MYH11: variants seen among roughly 807,000 people sequenced by gnomAD.
MYH11 encodes myosin heavy chain 11.
A neutral mutation model predicts 246.6 loss-of-function variants in MYH11; 80 were observed. That is an observed-to-expected ratio of 0.32 (90% CI 0.27 to 0.39). The LOEUF is 0.39. MYH11 is among the 10% of genes least tolerant of loss of function. The pLI, the probability that MYH11 is intolerant of heterozygous loss-of-function variation, is 1.00. For missense variants in MYH11, 2,158 were observed against 2,546.8 expected (o/e 0.85, Z 3.29); for synonymous variants, 1,071 against 1,015.5 (o/e 1.05, Z -1.04).
rs949749494 is a variant in MYH11, at chr16:15,740,258, T to C, written c.2860-70A>G. ...TTTACTCTCGTGGTGATCTGGGGAC[T>C]AATGAATACAGGGGCTAGGCCTGAA... On this transcript the variant is annotated intron_variant, in intron 22 of 40. Coordinates refer to ENST00000300036, the MANE Select transcript of MYH11 (RefSeq NM_002474.3). 1.4e-5 allele frequency: 23 copies of C among 1,607,930 alleles called. No individual in the cohort carries two copies. The Admixed American group carries it at 3.5e-4, about 24-fold the overall frequency.
chr16:15,708,018 T>A (rs138033033), intron 40 of MYH11, among the ~76,000 whole-genome samples: 200 of 151,000 alleles, frequency 1.3e-3, no homozygotes, highest in Non-Finnish European at 2.3e-3. Context: ...TCATGCTTTC[T>A]TGGGAAGGGC....
At chr16:15,832,854 C>T (rs1237920105) in intron 2 of MYH11, among the ~76,000 whole-genome samples, 3 of 151,416 alleles carry the variant, frequency 2.0e-5, no homozygotes, top group Non-Finnish European at 2.9e-5. Flanking sequence ...GTCACCCTGG[C>T]CCTGGACTCA....
intron 9 of MYH11, among the ~76,000 whole-genome samples, chr16:15,768,675 T>G (rs887216325): frequency 4.6e-5 from 7 of 152,232 alleles, no homozygotes; most frequent in Admixed American, 3.3e-4. Flanking sequence ...AATAGAAAAC[T>G]TTCTCTATCT....
At chr16:15,837,035 T>C (rs2043916582) in intron 2 of MYH11, among the ~76,000 whole-genome samples, 1 of 152,222 alleles carries the variant, frequency 6.6e-6, no homozygotes, top group South Asian at 2.1e-4. Context: ...TAATGTTTCT[T>C]TTAATTAATT....
intron 1 of MYH11, among the ~76,000 whole-genome samples, chr16:15,849,818 C>T (rs937974715): frequency 2.0e-5 from 3 of 152,130 alleles, no homozygotes; most frequent in Non-Finnish European, 4.4e-5. Context: ...TGTCAAGTAA[C>T]GAGTCTCAGC....
intron 3 of MYH11, among the ~76,000 whole-genome samples, chr16:15,822,659 G>A (rs917275005): frequency 4.6e-5 from 7 of 152,204 alleles, no homozygotes; most frequent in Non-Finnish European, 1.0e-4. Flanking sequence ...AGGTTGCAGG[G>A]AGCCGAGATG....
chr16:15,783,265 C>T (rs1464507499), intron 5 of MYH11: 1 of 152,422 alleles, frequency 6.6e-6, no homozygotes, highest in African/African-American at 2.4e-5. Context: ...CAGTTGGGCC[C>T]CGAGGCCTCC....
At chr16:15,776,571 T>C (rs931179330) in intron 7 of MYH11, among the ~76,000 whole-genome samples, 1 of 152,194 alleles carries the variant, frequency 6.6e-6, no homozygotes, top group Non-Finnish European at 1.5e-5. Context: ...AAATGATTGA[T>C]ATAAATTGTC....
At chr16:15,710,803 G>C (rs372263672) in intron 40 of MYH11, among the ~76,000 whole-genome samples, 1 of 151,914 alleles carries the variant, frequency 6.6e-6, no homozygotes, top group Non-Finnish European at 1.5e-5. Context: ...TCAGCCTCAC[G>C]AGTAGCTGGG....
intron 40 of MYH11, among the ~76,000 whole-genome samples, chr16:15,709,049 C>T (rs2039630668): frequency 6.6e-6 from 1 of 151,966 alleles, no homozygotes; most frequent in Non-Finnish European, 1.5e-5. Context: ...TTCAAGTGAT[C>T]CCCTTGTCTC....
At chr16:15,803,082 A>G (rs1032909205) in intron 3 of MYH11, among the ~76,000 whole-genome samples, 1 of 151,546 alleles carries the variant, frequency 6.6e-6, no homozygotes, top group Non-Finnish European at 1.5e-5. Context: ...GGTTGCAGTG[A>G]GTTGAGATTT....
chr16:15,704,619 G>A (rs147372492), intron 40 of MYH11, among the ~76,000 whole-genome samples: 18 of 152,302 alleles, frequency 1.2e-4, no homozygotes, highest in African/African-American at 4.3e-4. Flanking sequence ...ATTTGAATTG[G>A]AAGAAGGTGA....
Position 15,703,488 on chromosome 16 carries a change from A to G in MYH11, c.*503T>C, listed in dbSNP as rs1385377594. The G allele has an allele frequency of 1.5e-5, 4 of 272,974 alleles. No individual in the cohort carries two copies. The highest frequency in any genetic ancestry group is 2.8e-5 in the Non-Finnish European group (4 of 140,894). The allele number at this position is 272,974 out of a possible 1,614,324, so 16.9% of individuals were successfully genotyped here. On this transcript the variant is annotated 3_prime_UTR_variant, in exon 41 of 41. Coordinates refer to ENST00000300036, the MANE Select transcript of MYH11 (RefSeq NM_002474.3). ...TAAAAACTCAGTGTCTGCACAATCCATTGATAGAACTGGAGGATGTGTCTG... is the reference window on the plus strand; with the variant it reads ...TAAAAACTCAGTGTCTGCACAATCCGTTGATAGAACTGGAGGATGTGTCTG...
chr16:15,783,958 G>A (rs1044057074), intron 5 of MYH11, among the ~76,000 whole-genome samples: 4 of 152,098 alleles, frequency 2.6e-5, no homozygotes, highest in Non-Finnish European at 5.9e-5. Flanking sequence ...CGGGAGCCAA[G>A]GAAGACACCT....
Position 15,813,403 on chromosome 16 carries a change from AT to A in MYH11, c.502+9851del, listed in dbSNP as rs554267215. Among the ~76,000 whole-genome samples the A allele has an allele frequency of 7.8e-4, 118 of 151,554 alleles. 1 individual carries two copies. Among genetic ancestry groups the A allele is most frequent in the South Asian group, 3.4e-3 (16 of 4,770 alleles). ...TCAGCCTTCTTTACTTTATAATTTA[AT>A]TTTTTTTTATGACATATGCCTGCAC... On this transcript the variant is annotated intron_variant, in intron 3 of 40. Transcript: ENST00000300036.
rs975977419 is a variant in MYH11 at position 15,846,717 on chromosome 16, A to G, written c.-17-8448T>C. Among the ~76,000 whole-genome samples, 9 of 152,260 alleles carry G rather than the reference A, an allele frequency of 5.9e-5. No individual in the cohort carries two copies. The East Asian group carries it at 1.7e-3, about 29-fold the overall frequency. On this transcript the variant is annotated intron_variant, in intron 1 of 40. Coordinates refer to ENST00000300036, the MANE Select transcript of MYH11 (RefSeq NM_002474.3). ...TGTTTTTTAATTACCTGTGTGGAAGACTGAGGTAGGAGGATAACCTGAGCC... is the reference window on the plus strand; with the variant it reads ...TGTTTTTTAATTACCTGTGTGGAAGGCTGAGGTAGGAGGATAACCTGAGCC...
rs542441462 is a variant in MYH11 at position 15,771,407 on chromosome 16, AC to A, written c.1033+161del. ...AGCCACTTTTCTACAACACAAACAA[AC>A]CACCTAGAATAAAATTCATTTTCCT... is the stretch of plus-strand genomic sequence containing the variant. On this transcript the variant is annotated intron_variant, in intron 9 of 40. Coordinates refer to ENST00000300036, the MANE Select transcript of MYH11 (RefSeq NM_002474.3). Among the ~76,000 whole-genome samples, 6 of 149,644 alleles carry A rather than the reference AC, an allele frequency of 4.0e-5. No individual in the cohort carries two copies. In the East Asian group the frequency reaches 1.2e-3, roughly 29 times the overall value.
At chr16:15,727,820 A>G (rs2040840850) in intron 27 of MYH11, among the ~76,000 whole-genome samples, 1 of 152,084 alleles carries the variant, frequency 6.6e-6, no homozygotes, top group Non-Finnish European at 1.5e-5. Flanking sequence ...CTAAAATAAA[A>G]CATTAGCTGG....
intron 20 of MYH11, among the ~76,000 whole-genome samples, chr16:15,744,537 A>G (rs1407224495): frequency 6.7e-6 from 1 of 148,980 alleles, no homozygotes; most frequent in East Asian, 2.0e-4. Flanking sequence ...CAGAGTCTCA[A>G]TCTTTCACCC....
Sources: gnomAD v4.1 joint callset for allele counts (sites outside exome capture counted in the v4.1 genomes callset) on GRCh38, gnomAD v4.1.1 for gene constraint, MANE v1.5 for transcripts, NCBI Gene and HGNC (gene_info 2026-07-23, HGNC 2026-07-21) for gene names.